The following MAPK10 variants were observed in gnomAD, a reference collection of about 807,000 sequenced individuals.
MAPK10 encodes JNK3 alpha protein kinase.
In MAPK10, 25 loss-of-function variants were observed where a neutral mutation model predicts 59.3. The ratio of observed to expected loss-of-function variants is 0.42; its 90% CI spans 0.31 to 0.59. The LOEUF (loss-of-function observed/expected upper bound fraction) is 0.59, where lower values mean the gene tolerates loss of function less well. MAPK10 is among the 20% of genes least tolerant of loss of function. The probability of loss-of-function intolerance (pLI) is 0.15; values close to 1 mark genes in which losing one functional copy is unlikely to be tolerated. For synonymous variants in MAPK10, 190 were observed against 200.5 expected, an observed-to-expected ratio of 0.95 and a Z score of 0.44; for missense variants, 351 against 568.9, an observed-to-expected ratio of 0.62 and a Z score of 3.90.
At chr4:86,233,888 G>A (rs1563390557) in intron 2 of MAPK10, among the ~76,000 whole-genome samples, 1 of 152,078 alleles carries the variant, frequency 6.6e-6, no homozygotes, top group Non-Finnish European at 1.5e-5. Context: ...CTCCCAAGGC[G>A]TGTGCCTTCC....
At chr4:86,041,154 A>G (rs577275880) in intron 11 of MAPK10, among the ~76,000 whole-genome samples, 13 of 152,294 alleles carry the variant, frequency 8.5e-5, no homozygotes, top group African/African-American at 3.1e-4. Context: ...ACTAAGAATA[A>G]CAATAGCTAC....
chr4:86,364,632 C>A (rs1368954636), upstream of MAPK10, among the ~76,000 whole-genome samples: 4 of 152,124 alleles, frequency 2.6e-5, no homozygotes, highest in African/African-American at 9.7e-5. Context: ...TTATGCAATA[C>A]AAGTTAGTTT....
chr4:86,442,856 C>A (rs1749575078), intron 1 of MAPK10, among the ~76,000 whole-genome samples: 1 of 152,116 alleles, frequency 6.6e-6, no homozygotes. Flanking sequence ...AAAAATAACG[C>A]CACTGAGCCG....
chr4:86,086,151 C>T (rs1229582711), intron 9 of MAPK10, among the ~76,000 whole-genome samples: 1 of 152,056 alleles, frequency 6.6e-6, no homozygotes, highest in Non-Finnish European at 1.5e-5. Context: ...CCTGCATATC[C>T]TGCACATGTA....
At chr4:86,538,070 AT>A (rs1372509008) in intron 1 of MAPK10, among the ~76,000 whole-genome samples, 2 of 152,168 alleles carry the variant, frequency 1.3e-5, no homozygotes, top group Non-Finnish European at 2.9e-5. Flanking sequence ...CATGTACTGA[AT>A]AGTCACTCCT....
In MAPK10 at chr4:86,402,776, C is replaced by T. The variant is rs150405387; in HGVS notation, c.-121-48132G>A. Among the ~76,000 whole-genome samples, 460 of 152,208 alleles carry T rather than the reference C, an allele frequency of 3.0e-3. 3 individuals carry two copies. The highest frequency in any genetic ancestry group is 0.01 in the African/African-American group (424 of 41,530). ...TCTAAGGAAGACTCAAAAGGCCATT[C>T]GGTGGCCTCAAGTCTAAAGTTGGTC... On this transcript the variant is annotated intron_variant, in intron 1 of 13. Coordinates refer to the MAPK10 transcript ENST00000361569.
At chr4:86,327,496 TC>T (rs2096054546) in intron 2 of MAPK10, 1 of 151,562 alleles carries the variant, frequency 6.6e-6, no homozygotes, top group African/African-American at 2.4e-5. Context: ...AGCCAACACT[TC>T]CCCCAGAATT....
At chr4:86,549,572 G>T (rs950006863) in intron 1 of MAPK10, among the ~76,000 whole-genome samples, 11 of 152,214 alleles carry the variant, frequency 7.2e-5, no homozygotes, top group Admixed American at 5.2e-4. Flanking sequence ...GTCAGTGAGT[G>T]AGTGGTGACT....
At chr4:86,375,083 T>A (rs1739571283) in intron 1 of MAPK10, among the ~76,000 whole-genome samples, 1 of 152,218 alleles carries the variant, frequency 6.6e-6, no homozygotes, top group Non-Finnish European at 1.5e-5. Context: ...GAGGGATTTT[T>A]AAATTGCTAA....
Position 86,578,556 on chromosome 4 carries a change from T to C in MAPK10, c.-263+15354A>G, listed in dbSNP as rs144378046. Among the ~76,000 whole-genome samples, 749 of 152,338 alleles carry C rather than the reference T, an allele frequency of 4.9e-3. 2 individuals are homozygous for C. Among genetic ancestry groups the C allele is most frequent in the African/African-American group, 0.017 (704 of 41,572 alleles). ...TTATTGTGCTTTTGTGTGTTGTTTT[T>C]CACTGTTCTCTTAAAAGACCTGAAG... On this transcript the variant is annotated intron_variant, in intron 1 of 4. Transcript: ENST00000502302.
chr4:86,068,555 G>A (rs908164385), intron 9 of MAPK10, among the ~76,000 whole-genome samples: 7 of 151,886 alleles, frequency 4.6e-5, no homozygotes, highest in African/African-American at 1.4e-4. Context: ...ATTAAACAAA[G>A]AAGCCACCTA....
chr4:86,118,849 G>T (rs1561933465), intron 4 of MAPK10, among the ~76,000 whole-genome samples: 1 of 152,104 alleles, frequency 6.6e-6, no homozygotes, highest in Non-Finnish European at 1.5e-5. Context: ...ATCATAGCCT[G>T]GCAAACCAAA....
chr4:86,303,163 CAT>C (rs1380777650), intron 2 of MAPK10, among the ~76,000 whole-genome samples: 1 of 152,206 alleles, frequency 6.6e-6, no homozygotes, highest in Non-Finnish European at 1.5e-5. Flanking sequence ...TCTTAATCCA[CAT>C]GTCTCCTAGG....
chr4:86,074,640 CCTT>C (rs2149013197), intron 9 of MAPK10, among the ~76,000 whole-genome samples: 1 of 137,872 alleles, frequency 7.3e-6, no homozygotes, highest in East Asian at 2.0e-4. Context: ...TTTTATTTCT[CCTT>C]CACTTATGAA....
intron 1 of MAPK10, among the ~76,000 whole-genome samples, chr4:86,417,397 G>A (rs1745993509): frequency 6.6e-6 from 1 of 152,172 alleles, no homozygotes; most frequent in African/African-American, 2.4e-5. Context: ...GTGTGTGCAT[G>A]TAATTTTTAA....
At chr4:86,305,932 T>G (rs889280473) in intron 2 of MAPK10, among the ~76,000 whole-genome samples, 4 of 152,122 alleles carry the variant, frequency 2.6e-5, no homozygotes, top group African/African-American at 9.7e-5. Flanking sequence ...ATGCTTAATA[T>G]TATCACAATT....
chr4:86,326,841 T>C (rs1000787183), intron 2 of MAPK10: 2 of 151,756 alleles, frequency 1.3e-5, no homozygotes, highest in African/African-American at 4.8e-5. Context: ...TACTTGATTT[T>C]AAATCTACAC....
At chr4:86,132,393 T>C (rs947046545) in intron 4 of MAPK10, among the ~76,000 whole-genome samples, 6 of 152,220 alleles carry the variant, frequency 3.9e-5, no homozygotes, top group Admixed American at 6.5e-5. Context: ...TATATTTACC[T>C]TATTGAGGAA....
rs148869227 is a variant in MAPK10, at chr4:86,026,024, A to C, written c.1252+3173T>G. Among the ~76,000 whole-genome samples the C allele has an allele frequency of 1.1e-3, 167 of 152,334 alleles. 1 individual carries two copies. The highest frequency in any genetic ancestry group is 3.7e-3 in the African/African-American group (155 of 41,572). ...AAAAAGTAAATAAAATTAATGGACTATATTAGTGACCCTAAGACATATTCC... is the reference window on the plus strand; with the variant it reads ...AAAAAGTAAATAAAATTAATGGACTCTATTAGTGACCCTAAGACATATTCC... On this transcript the variant is annotated intron_variant, in intron 13 of 13. Coordinates refer to ENST00000641462, the MANE Select transcript of MAPK10 (RefSeq NM_138982.4).
Sources: allele counts gnomAD v4.1 joint callset (sites outside exome capture counted in the v4.1 genomes callset), GRCh38; gene constraint gnomAD v4.1.1; transcripts MANE v1.5; gene names NCBI Gene and HGNC (gene_info 2026-07-23, HGNC 2026-07-21).